The following PTPRK variants were observed in gnomAD, a reference collection of about 807,000 sequenced individuals.
The protein encoded by PTPRK is protein tyrosine phosphatase receptor type K.
In PTPRK, 75 loss-of-function variants were observed where a neutral mutation model predicts 178.0. That is an observed-to-expected ratio of 0.42 (90% CI 0.35 to 0.51). The LOEUF is 0.51. PTPRK is among the 20% of genes least tolerant of loss of function. PTPRK has a pLI of 0.02. For synonymous variants in PTPRK, 637 were observed against 620.6 expected (o/e 1.03, Z -0.39); for missense variants, 1,441 against 1,797.8 (o/e 0.80, Z 3.59).
At chr6:128,367,874 T>A (rs1477455695) in intron 2 of PTPRK, among the ~76,000 whole-genome samples, 1 of 152,182 alleles carries the variant, frequency 6.6e-6, no homozygotes, top group East Asian at 1.9e-4. Flanking sequence ...ACTTGAGAGT[T>A]TGAGAGAGCC....
intron 1 of PTPRK, among the ~76,000 whole-genome samples, chr6:128,414,485 G>C (rs766034372): frequency 7.2e-5 from 11 of 152,092 alleles, no homozygotes; most frequent in Non-Finnish European, 1.3e-4. Flanking sequence ...AATAACCTCA[G>C]AGTGAAAAAA....
intron 1 of PTPRK, among the ~76,000 whole-genome samples, chr6:128,407,118 T>TAA (rs1349936390): frequency 2.6e-5 from 4 of 152,206 alleles, no homozygotes; most frequent in Non-Finnish European, 5.9e-5. Flanking sequence ...CAATATCCTA[T>TAA]GATATTAGAA....
chr6:127,989,714 A>G (rs1274857952), intron 21 of PTPRK, among the ~76,000 whole-genome samples: 1 of 152,070 alleles, frequency 6.6e-6, no homozygotes, highest in Non-Finnish European at 1.5e-5. Flanking sequence ...ATTCTTTTTT[A>G]AAGTTCTTGC....
intron 1 of PTPRK, among the ~76,000 whole-genome samples, chr6:128,436,271 A>G (rs908229884): frequency 6.6e-6 from 1 of 152,190 alleles, no homozygotes; most frequent in Non-Finnish European, 1.5e-5. Flanking sequence ...TAACCATAAT[A>G]GCAATTAAAA....
intron 15 of PTPRK, among the ~76,000 whole-genome samples, chr6:128,002,530 T>G (rs193112057): frequency 2.9e-3 from 442 of 152,034 alleles, no homozygotes; most frequent in African/African-American, 0.01. Flanking sequence ...ATAGGTAGGT[T>G]TAAAAATTAA....
chr6:127,970,402 CTA>C, intron 29 of PTPRK, 122 bp from the exon 30 acceptor site: 1 of 650,704 alleles, frequency 1.5e-6, no homozygotes, highest in East Asian at 3.2e-5. Context: ...TTTATTTTTT[CTA>C]TATATGAGAT....
rs541091524 is a variant in PTPRK at position 128,419,209 on chromosome 6, T to C, written c.101-21521A>G. Among the ~76,000 whole-genome samples the C allele has an allele frequency of 7.2e-5, 11 of 152,348 alleles. No individual in the cohort carries two copies. The South Asian group carries it at 1.9e-3, about 26-fold the overall frequency. On this transcript the variant is annotated intron_variant, in intron 1 of 29. Transcript: ENST00000368226. ...GGGCATGGGGCCATTATTTGAAATA[T>C]TGGAGTCTACTAAATCTGTGCACTA...
At chr6:127,973,925 C>T (rs1774221488) in intron 27 of PTPRK, 98 bp from the exon 28 acceptor site, 3 of 1,200,990 alleles carry the variant, frequency 2.5e-6, no homozygotes, top group South Asian at 1.5e-5. Context: ...GGCATCTACA[C>T]TGGATTGAGT....
At chr6:128,427,925 T>C (rs1344691101) in intron 1 of PTPRK, among the ~76,000 whole-genome samples, 4 of 152,142 alleles carry the variant, frequency 2.6e-5, no homozygotes, top group Admixed American at 1.3e-4. Context: ...ACCTCGTCTC[T>C]ACTAAAAAAC....
chr6:128,513,214 G>A (rs949260085), intron 1 of PTPRK, among the ~76,000 whole-genome samples: 3 of 152,084 alleles, frequency 2.0e-5, no homozygotes, highest in African/African-American at 7.2e-5. Flanking sequence ...GCCGGGCATG[G>A]TGGCTCACAC....
chr6:128,176,815 T>G (rs747344834), intron 7 of PTPRK, among the ~76,000 whole-genome samples: 1 of 151,646 alleles, frequency 6.6e-6, no homozygotes, highest in Non-Finnish European at 1.5e-5. Flanking sequence ...TGAGTCAAAT[T>G]AAATGATGAA....
At chr6:128,312,755 AT>A (rs967949656) in intron 3 of PTPRK, among the ~76,000 whole-genome samples, 114 of 145,046 alleles carry the variant, frequency 7.9e-4, no homozygotes, top group Admixed American at 8.3e-4. Context: ...AATTGTTTTC[AT>A]TTTTTTTTTT....
rs1774616884 is a variant in PTPRK at position 127,976,522 on chromosome 6, A to G, written c.3969+135T>C. The G allele has an allele frequency of 5.5e-6, 6 of 1,094,434 alleles. No individual in the cohort carries two copies. The South Asian group carries it at 9.3e-5, about 17-fold the overall frequency. 67.8% of individuals were successfully genotyped at this position (1,094,434 alleles called of 1,614,324 possible). On this transcript the variant is annotated intron_variant, in intron 27 of 29. Coordinates refer to ENST00000368226, the MANE Select transcript of PTPRK (RefSeq NM_002844.4). ...TTTTATTCGAGTACTAAGGCATAAG[A>G]TGGTTACTAGCTTTGAGGTGGATGA...
At chr6:128,464,806 T>C (rs969485280) in intron 1 of PTPRK, among the ~76,000 whole-genome samples, 2 of 148,806 alleles carry the variant, frequency 1.3e-5, no homozygotes, top group Non-Finnish European at 1.5e-5. Context: ...TTTTTTTAAT[T>C]TAGAAGAAAA....
chr6:128,343,643 G>T (rs552628909), intron 2 of PTPRK, among the ~76,000 whole-genome samples: 397 of 152,050 alleles, frequency 2.6e-3, no homozygotes, highest in Admixed American at 3.7e-3. Flanking sequence ...ATTCTTAAAG[G>T]TTAACTCTAT....
intron 3 of PTPRK, among the ~76,000 whole-genome samples, chr6:128,272,783 T>C (rs552077022): frequency 1.3e-5 from 2 of 152,254 alleles, no homozygotes; most frequent in Non-Finnish European, 2.9e-5. Context: ...AGTTCAACCA[T>C]TGTGGAAGAC....
intron 11 of PTPRK, among the ~76,000 whole-genome samples, chr6:128,077,639 T>C (rs1228891483): frequency 6.6e-6 from 1 of 151,988 alleles, no homozygotes; most frequent in Non-Finnish European, 1.5e-5. Context: ...TATAAACCAA[T>C]TATGAAGTGC....
intron 6 of PTPRK, among the ~76,000 whole-genome samples, chr6:128,196,524 A>C (rs1290587023): frequency 2.0e-5 from 3 of 152,174 alleles, no homozygotes; most frequent in Admixed American, 6.5e-5. Flanking sequence ...ACTCACTTTC[A>C]CACCTTAATG....
intron 3 of PTPRK, among the ~76,000 whole-genome samples, chr6:128,275,561 T>A (rs898891484): frequency 6.6e-6 from 1 of 151,964 alleles, no homozygotes; most frequent in African/African-American, 2.4e-5. Context: ...TTAATAATGG[T>A]TACAGTAATG....
Sources: allele counts gnomAD v4.1 joint callset (sites outside exome capture counted in the v4.1 genomes callset), GRCh38; gene constraint gnomAD v4.1.1; transcripts MANE v1.5; gene names NCBI Gene and HGNC (gene_info 2026-07-23, HGNC 2026-07-21).